The following SLC7A14 variants were observed in gnomAD, a reference collection of about 807,000 sequenced individuals.
SLC7A14 encodes the protein gamma-aminobutyric acid transporter SLC7A14.
A neutral mutation model predicts 60.2 loss-of-function variants in SLC7A14; 37 were observed. The observed-to-expected ratio is 0.61, with a 90% CI of 0.47 to 0.81. SLC7A14 has a LOEUF of 0.81. Ranked by LOEUF, SLC7A14 falls within the 30% of genes least tolerant of loss-of-function variation. The pLI is 0.00. For synonymous variants in SLC7A14, 399 were observed against 395.8 expected (o/e 1.01, Z -0.10); for missense variants, 886 against 982.7 (o/e 0.90, Z 1.32).
At position 170,480,295 on chromosome 3, in the gene SLC7A14, A is replaced by G; in HGVS notation, c.1987T>C (p.Phe663Leu). ...ITWIRFAVWC[F>L]VGLLIYFGYG... Reference sequence around the variant, plus strand: ...TCCAAAGGAAGTTGCTTACCCACAAAGCACCAGACCGCAAACCGGATCCAT... The same window carrying G: ...TCCAAAGGAAGTTGCTTACCCACAAGGCACCAGACCGCAAACCGGATCCAT... The change falls in exon 7 of 8, where the codon TTT becomes CTT. Residue 663 changes from phenylalanine (F) to leucine (L), a missense_variant. By Grantham distance (22) the Phe-to-Leu change is conservative (BLOSUM62 0). Coordinates refer to ENST00000231706, the MANE Select transcript of SLC7A14 (RefSeq NM_020949.3). 1 of 1,524,908 alleles carries G rather than the reference A, an allele frequency of 6.6e-7. No individual in the cohort carries two copies. Among genetic ancestry groups the G allele is most frequent in the East Asian group, 2.3e-5 (1 of 44,036 alleles). The allele number at this position is 1,524,908 out of a possible 1,614,324, so 94.5% of individuals were successfully genotyped here.
chr3:170,527,086 T>C lies in SLC7A14; in HGVS notation c.-150A>G. On this transcript the variant is annotated splice_region_variant and 5_prime_UTR_variant, in exon 2 of 8. Transcript: ENST00000231706. ...AGTGCAGCCTTCTCCTGGGCATGAATGTCTGCAGGAAAAACACAAGAAAGC... is the reference window on the plus strand; with the variant it reads ...AGTGCAGCCTTCTCCTGGGCATGAACGTCTGCAGGAAAAACACAAGAAAGC... 6 of 776,700 alleles carry C rather than the reference T, an allele frequency of 7.7e-6. No individual in the cohort carries two copies. The highest frequency in any genetic ancestry group is 1.2e-5 in the Non-Finnish European group (6 of 498,412). The allele number at this position is 776,700 out of a possible 1,614,324, so 48.1% of individuals were successfully genotyped here.
chr3:170,561,455 G>T (rs1252336445), intron 1 of SLC7A14, among the ~76,000 whole-genome samples: 1 of 152,122 alleles, frequency 6.6e-6, no homozygotes, highest in Non-Finnish European at 1.5e-5. Context: ...ACAAGTCCAG[G>T]GTTTAGACTA....
rs369436642 is a variant in SLC7A14, at chr3:170,550,512, A to ATTTTTTTTTTTTTTTTTTTTTTTTTTTTT, written c.-152-23425_-152-23424insAAAAAAAAAAAAAAAAAAAAAAAAAAAAA. Among the ~76,000 whole-genome samples the ATTTTTTTTTTTTTTTTTTTTTTTTTTTTT allele has an allele frequency of 1.8e-4, 11 of 60,612 alleles. 2 individuals are homozygous for ATTTTTTTTTTTTTTTTTTTTTTTTTTTTT. Among genetic ancestry groups the ATTTTTTTTTTTTTTTTTTTTTTTTTTTTT allele is most frequent in the African/African-American group, 8.7e-4 (10 of 11,470 alleles). 39.8% of individuals were successfully genotyped at this position (60,612 alleles called of 152,430 possible). A position where few individuals can be genotyped will look rare whatever the true frequency, so the allele number is the denominator to read the frequency against. ...TAAACCTAATGCCATCTTTCCTTGA[A>ATTTTTTTTTTTTTTTTTTTTTTTTTTTTT]TTTTTTTTTTTTTTTTTTTTTTTTT... On this transcript the variant is annotated intron_variant, in intron 1 of 7. Coordinates refer to ENST00000231706, the MANE Select transcript of SLC7A14 (RefSeq NM_020949.3).
intron 1 of SLC7A14, among the ~76,000 whole-genome samples, chr3:170,534,694 G>C (rs867457496): frequency 2.6e-5 from 4 of 151,924 alleles, no homozygotes; most frequent in Non-Finnish European, 5.9e-5. Context: ...CCTGTAAATA[G>C]GTAAATTAAA....
chr3:170,483,254 G>C, intron 6 of SLC7A14, 60 bp downstream of exon 6: 1 of 1,578,522 alleles, frequency 6.3e-7, no homozygotes, highest in Non-Finnish European at 8.7e-7. Flanking sequence ...ACAGTGGGTA[G>C]ACATTCTCCC....
At position 170,524,546 on chromosome 3, in the gene SLC7A14, C is replaced by A. The variant is rs527578545; in HGVS notation, c.304+2087G>T. ...GATCTATTGAAAACTGTGTAGTCTTCATTAATCTGATGCACTGGCCCTGTG... is the reference window on the plus strand; with the variant it reads ...GATCTATTGAAAACTGTGTAGTCTTAATTAATCTGATGCACTGGCCCTGTG... On this transcript the variant is annotated intron_variant, in intron 2 of 7. Coordinates refer to ENST00000231706, the MANE Select transcript of SLC7A14 (RefSeq NM_020949.3). Among the ~76,000 whole-genome samples, 5 of 152,312 alleles carry A rather than the reference C, an allele frequency of 3.3e-5. No individual in the cohort carries two copies. In the East Asian group the frequency reaches 5.8e-4, roughly 18 times the overall value.
intron 1 of SLC7A14, among the ~76,000 whole-genome samples, chr3:170,580,530 A>G (rs1715206902): frequency 6.6e-6 from 1 of 152,232 alleles, no homozygotes. Flanking sequence ...TCCTTCAGTA[A>G]TATAGTCCCA....
chr3:170,544,848 C>T (rs758913632), intron 1 of SLC7A14, among the ~76,000 whole-genome samples: 22 of 152,200 alleles, frequency 1.4e-4, no homozygotes, highest in Non-Finnish European at 2.5e-4. Flanking sequence ...AGTGACACAG[C>T]TGCTGTCAGA....
At chr3:170,564,339 G>A (rs1400826736) in intron 1 of SLC7A14, among the ~76,000 whole-genome samples, 7 of 152,202 alleles carry the variant, frequency 4.6e-5, no homozygotes, top group Non-Finnish European at 1.0e-4. Context: ...TCCCTTGCTC[G>A]CTGAGGAGGC....
At chr3:170,523,862 A>G (rs1469437984) in intron 2 of SLC7A14, among the ~76,000 whole-genome samples, 1 of 152,228 alleles carries the variant, frequency 6.6e-6, no homozygotes, top group Non-Finnish European at 1.5e-5. Context: ...CCTTTAGTTT[A>G]GTGACCAACA....
Position 170,481,075 on chromosome 3 carries a change from T to C in SLC7A14, c.1207A>G (p.Ser403Gly). 6.2e-7 allele frequency: 1 copy of C among 1,614,146 alleles called. No homozygotes were observed. Among genetic ancestry groups the C allele is most frequent in the Non-Finnish European group, 8.5e-7 (1 of 1,180,018 alleles). Reference protein sequence around the residue: ...FLAALLALLVSLRDLIEMMSI... With the variant: ...FLAALLALLVGLRDLIEMMSI... ...ATCATCTCTATCAGGTCTCTCAAGCTGACCAACAGTGCGAGGAGCGCTGCC... is the reference window on the plus strand; with the variant it reads ...ATCATCTCTATCAGGTCTCTCAAGCCGACCAACAGTGCGAGGAGCGCTGCC... The change falls in exon 7 of 8, where the codon AGC becomes GGC. Residue 403 changes from serine to glycine, a missense_variant. Ser to Gly is a moderately conservative substitution (Grantham distance 56, BLOSUM62 0). Transcript: ENST00000231706.
At chr3:170,562,499 G>A (rs1160233081) in intron 1 of SLC7A14, among the ~76,000 whole-genome samples, 1 of 151,944 alleles carries the variant, frequency 6.6e-6, no homozygotes, top group Non-Finnish European at 1.5e-5. Context: ...GGGGAGGGTG[G>A]GAAGGGGGTG....
intron 4 of SLC7A14, chr3:170,496,553 C>T (rs550827415): frequency 3.1e-6 from 5 of 1,595,958 alleles, no homozygotes; most frequent in Admixed American, 3.3e-5. Context: ...TGCGTGAGTA[C>T]CAGGAGCTGA....
chr3:170,496,475 T>G (rs538021306), intron 4 of SLC7A14: 2 of 1,334,042 alleles, frequency 1.5e-6, no homozygotes, highest in African/African-American at 2.9e-5. Flanking sequence ...CCGTTAAGGA[T>G]GCCAGCGCCA....
intron 1 of SLC7A14, among the ~76,000 whole-genome samples, chr3:170,574,912 T>C: frequency 6.6e-6 from 1 of 152,242 alleles, no homozygotes; most frequent in Admixed American, 6.5e-5. Flanking sequence ...GCTTCACCTC[T>C]CTGGGTCTCA....
At chr3:170,505,612 G>A (rs74286686) in intron 2 of SLC7A14, among the ~76,000 whole-genome samples, 2,557 of 152,274 alleles carry the variant, frequency 0.017, 97 homozygotes, top group East Asian at 0.15. Context: ...ATGGCCGGGC[G>A]CGGTGGCTCA....
At chr3:170,530,467 G>C (rs1427632678) in intron 1 of SLC7A14, among the ~76,000 whole-genome samples, 1 of 152,222 alleles carries the variant, frequency 6.6e-6, no homozygotes, top group Non-Finnish European at 1.5e-5. Flanking sequence ...CAGAGCCAGA[G>C]CTTGGCCCTG....
At chr3:170,569,703 A>T (rs958111100) in intron 1 of SLC7A14, among the ~76,000 whole-genome samples, 1 of 152,062 alleles carries the variant, frequency 6.6e-6, no homozygotes, top group Non-Finnish European at 1.5e-5. Flanking sequence ...TTATTGGTCT[A>T]TTCAGAGATT....
At position 170,585,277 on chromosome 3, in the gene SLC7A14, G is replaced by C. The variant is rs950748708; in HGVS notation, c.-153+634C>G. ...ACACCGCTCCCGTCACGTCCTCTTCGCCGCTCCCGGGAGAGTCACCACTCT... is the reference window on the plus strand; with the variant it reads ...ACACCGCTCCCGTCACGTCCTCTTCCCCGCTCCCGGGAGAGTCACCACTCT... On this transcript the variant is annotated intron_variant, in intron 1 of 7. Transcript: ENST00000231706. This position sits in a 1 kb window ranked among gnomAD's most constrained non-coding sequence, Gnocchi z 5.1. 3.9e-5 allele frequency among the ~76,000 whole-genome samples: 6 copies of C among 152,114 alleles called. No homozygotes were observed. The highest frequency in any genetic ancestry group is 1.4e-4 in the African/African-American group (6 of 41,438).
Sources: allele counts gnomAD v4.1 joint callset (sites outside exome capture counted in the v4.1 genomes callset), GRCh38; gene constraint gnomAD v4.1.1; non-coding constraint Gnocchi (gnomAD v3.1); transcripts MANE v1.5; gene names NCBI Gene and HGNC (gene_info 2026-07-23, HGNC 2026-07-21).